Variants in WWOX observed in about 807,000 individuals in gnomAD.
WWOX encodes the protein WW domain-containing oxidoreductase.
Under a neutral mutation model 46.2 loss-of-function variants are expected in WWOX, and 69 were observed. That is an observed-to-expected ratio of 1.49 (90% CI 1.23 to 1.82). The LOEUF (loss-of-function observed/expected upper bound fraction) is 1.82. Ranked by LOEUF, WWOX falls within the 40% of genes most tolerant of loss-of-function variation. WWOX has a pLI of 0.00. For missense variants in WWOX, 919 were observed against 542.6 expected, an observed-to-expected ratio of 1.69 and a Z score of -6.89; for synonymous variants, 359 against 202.6, an observed-to-expected ratio of 1.77 and a Z score of -6.56.
chr16:78,711,851 C>G (rs1008448301), intron 8 of WWOX, among the ~76,000 whole-genome samples: 5 of 152,150 alleles, frequency 3.3e-5, no homozygotes, highest in Non-Finnish European at 5.9e-5. Context: ...CACAATTATT[C>G]CGTAAACACA....
chr16:79,040,365 C>G (rs923024995), intron 8 of WWOX, among the ~76,000 whole-genome samples: 3 of 150,626 alleles, frequency 2.0e-5, no homozygotes, highest in East Asian at 2.0e-4. Flanking sequence ...ACCTCTGCCT[C>G]CCAGGCCCAA....
In WWOX at chr16:79,012,901, C is replaced by T. The variant is rs137958274; in HGVS notation, c.1057-198707C>T. The stretch of plus-strand genomic sequence containing the variant: ...GAAGAAAGGCATCACAAAGAAAATG[C>T]CACCAGCAGGCTGGGTGTGGTGGCT... On this transcript the variant is annotated intron_variant, in intron 8 of 8. Transcript: ENST00000566780. Among the ~76,000 whole-genome samples the T allele has an allele frequency of 5.8e-3, 889 of 152,300 alleles. 7 individuals carry two copies. Among genetic ancestry groups the T allele is most frequent in the African/African-American group, 0.02 (851 of 41,560 alleles).
intron 8 of WWOX, among the ~76,000 whole-genome samples, chr16:78,483,946 T>C (rs2084563308): frequency 6.6e-6 from 1 of 152,204 alleles, no homozygotes; most frequent in African/African-American, 2.4e-5. Context: ...ACGTGGCCCC[T>C]AGTGTGTCTG....
rs965096230 is a variant in WWOX at position 78,179,962 on chromosome 16, T to A, written c.516+15673T>A. ...ACTTGGGCAGCAGTAATCCTGCCAT[T>A]GTAGGAGGGGACAGATCGGCTGGTT... On this transcript the variant is annotated intron_variant, in intron 5 of 8. Coordinates refer to ENST00000566780, the MANE Select transcript of WWOX (RefSeq NM_016373.4). 8.5e-5 allele frequency among the ~76,000 whole-genome samples: 13 copies of A among 152,284 alleles called. 1 individual carries two copies. The highest frequency in any genetic ancestry group is 2.6e-4 in the Admixed American group (4 of 15,300).
At chr16:79,192,300 GATTCATTCATTCATTCATTC>G (rs3032258) in intron 8 of WWOX, among the ~76,000 whole-genome samples, 65,255 of 151,134 alleles carry the variant, frequency 0.43, 16,759 homozygotes, top group Non-Finnish European at 0.58. Flanking sequence ...TTTTCGCAGT[GATTCATTCATTCATTCATTC>G]ATTCATTCAT....
At chr16:78,198,364 A>G (rs1221168018) in intron 5 of WWOX, among the ~76,000 whole-genome samples, 1 of 152,226 alleles carries the variant, frequency 6.6e-6, no homozygotes, top group African/African-American at 2.4e-5. Context: ...ATGCAAGGTA[A>G]TATTTGATGT....
At chr16:79,100,845 G>T (rs1278289574) in intron 8 of WWOX, among the ~76,000 whole-genome samples, 1 of 152,012 alleles carries the variant, frequency 6.6e-6, no homozygotes, top group Non-Finnish European at 1.5e-5. Context: ...TCCTTTTAGA[G>T]CAGAGGGCAG....
intron 8 of WWOX, among the ~76,000 whole-genome samples, chr16:79,209,795 G>C (rs1465769471): frequency 6.6e-6 from 1 of 152,192 alleles, no homozygotes; most frequent in Non-Finnish European, 1.5e-5. Context: ...ATGCAGAAGA[G>C]CCAGATAAAC....
chr16:79,051,025 TA>T (rs2048156786), intron 8 of WWOX, among the ~76,000 whole-genome samples: 2 of 152,238 alleles, frequency 1.3e-5, no homozygotes, highest in Non-Finnish European at 2.9e-5. Flanking sequence ...CTTCGCCCAT[TA>T]ACGCTTATAG....
chr16:78,829,113 T>G (rs761183395), intron 8 of WWOX, among the ~76,000 whole-genome samples: 2 of 151,728 alleles, frequency 1.3e-5, no homozygotes, highest in East Asian at 2.0e-4. Context: ...GATGGATGGA[T>G]GGATGGATGG....
Position 78,343,376 on chromosome 16 carries a change from C to G in WWOX, c.517-43484C>G, listed in dbSNP as rs531799120. ...GGTCAGTGCACAGGTCCTCATTTTT[C>G]TCATGCTTCCATTTCCATATTCTCA... On this transcript the variant is annotated intron_variant, in intron 5 of 8. Transcript: ENST00000566780. 3.3e-5 allele frequency among the ~76,000 whole-genome samples: 4 copies of G among 121,300 alleles called. 1 individual carries two copies. Among genetic ancestry groups the G allele is most frequent in the African/African-American group, 1.1e-4 (4 of 35,818 alleles). The allele number at this position is 121,300 out of a possible 152,430, so 79.6% of individuals were successfully genotyped here. A position where few individuals can be genotyped will look rare whatever the true frequency, so the allele number is the denominator to read the frequency against.
At chr16:78,970,097 A>G (rs2046441192) in intron 8 of WWOX, among the ~76,000 whole-genome samples, 1 of 152,196 alleles carries the variant, frequency 6.6e-6, no homozygotes. Flanking sequence ...CCCTCATTTA[A>G]GTCTGGACCA....
intron 5 of WWOX, chr16:78,265,931 G>A (rs984234337): frequency 2.0e-5 from 3 of 152,308 alleles, no homozygotes; most frequent in African/African-American, 2.4e-5. Context: ...TTGATGAAGT[G>A]GGTGTTAATC....
At chr16:78,879,097 A>C (rs2044290557) in intron 8 of WWOX, among the ~76,000 whole-genome samples, 1 of 151,998 alleles carries the variant, frequency 6.6e-6, no homozygotes, top group Non-Finnish European at 1.5e-5. Flanking sequence ...ATTTACTAGA[A>C]ACAAATTAAC....
intron 8 of WWOX, among the ~76,000 whole-genome samples, chr16:78,575,446 C>T (rs1467853754): frequency 6.6e-6 from 1 of 151,760 alleles, no homozygotes; most frequent in East Asian, 2.0e-4. Context: ...CTATAAAACT[C>T]CTGAGGGATG....
rs184003028 is a variant in WWOX, at chr16:78,543,886, G to A, written c.1056+111134G>A. On this transcript the variant is annotated intron_variant, in intron 8 of 8. Coordinates refer to ENST00000566780, the MANE Select transcript of WWOX (RefSeq NM_016373.4). ...AACCCTGTTTATTTGTATCAAGGAC[G>A]GTTGGTACTTTAATCATCAATAAAC... 3.9e-5 allele frequency among the ~76,000 whole-genome samples: 6 copies of A among 152,218 alleles called. No individual in the cohort carries two copies. In the Middle Eastern group the frequency reaches 0.014, roughly 345 times the overall value.
chr16:78,754,791 C>G (rs1038313523), intron 8 of WWOX, among the ~76,000 whole-genome samples: 4 of 152,122 alleles, frequency 2.6e-5, no homozygotes, highest in African/African-American at 7.2e-5. Context: ...GAGATGACCT[C>G]TAAGGCCTCT....
intron 8 of WWOX, among the ~76,000 whole-genome samples, chr16:78,932,580 C>G (rs1046474346): frequency 6.6e-6 from 1 of 152,206 alleles, no homozygotes; most frequent in Non-Finnish European, 1.5e-5. Flanking sequence ...GTTCCTGGCA[C>G]CGTTTTCAAG....
rs953520119 is a variant in WWOX, at chr16:78,349,286, A to G, written c.517-37574A>G. ...CTGCCCTGATAGCCTCATTTTTTAC[A>G]TAATCACCTCTTTATAGGCCGTACC... On this transcript the variant is annotated intron_variant, in intron 5 of 8. Coordinates refer to ENST00000566780, the MANE Select transcript of WWOX (RefSeq NM_016373.4). 1.0e-4 allele frequency among the ~76,000 whole-genome samples: 12 copies of G among 120,424 alleles called. 4 individuals carry two copies. Among genetic ancestry groups the G allele is most frequent in the Non-Finnish European group, 7.9e-5 (4 of 50,496 alleles). 79.0% of individuals were successfully genotyped at this position (120,424 alleles called of 152,430 possible). A position where few individuals can be genotyped will look rare whatever the true frequency, so the allele number is the denominator to read the frequency against.
Sources: allele counts gnomAD v4.1 joint callset (sites outside exome capture counted in the v4.1 genomes callset), GRCh38; gene constraint gnomAD v4.1.1; transcripts MANE v1.5; gene names NCBI Gene and HGNC (gene_info 2026-07-23, HGNC 2026-07-21).